Variants in RASEF observed in about 807,000 individuals in gnomAD.
RASEF encodes the protein ras and EF-hand domain-containing protein.
Under a neutral mutation model 90.1 loss-of-function variants are expected in RASEF, and 68 were observed. The ratio of observed to expected loss-of-function variants is 0.75; its 90% confidence interval spans 0.62 to 0.92. The LOEUF (loss-of-function observed/expected upper bound fraction) is 0.92. RASEF is among the 40% of genes least tolerant of loss of function. RASEF has a pLI of 0.00. For missense variants in RASEF, 949 were observed against 937.2 expected, an observed-to-expected ratio of 1.01 and a Z score of -0.16; for synonymous variants, 331 against 345.2, an observed-to-expected ratio of 0.96 and a Z score of 0.46.
At chr9:83,171,538 T>C in the RASEF span, among the ~76,000 whole-genome samples, 1 of 151,868 alleles carries the variant, frequency 6.6e-6, no homozygotes, top group East Asian at 1.9e-4. Context: ...AGTAGAATTC[T>C]AGCAGTGAAG....
At chr9:83,089,237 TAG>T in the RASEF span, among the ~76,000 whole-genome samples, 1 of 152,090 alleles carries the variant, frequency 6.6e-6, no homozygotes, top group Non-Finnish European at 1.5e-5. Context: ...TACATCTTTA[TAG>T]ATTTTGTTCC....
the RASEF span, among the ~76,000 whole-genome samples, chr9:83,215,549 G>A: frequency 6.6e-6 from 1 of 152,138 alleles, no homozygotes; most frequent in Non-Finnish European, 1.5e-5. Context: ...TCCTGCTAAG[G>A]GGATCAGGGA....
At chr9:83,000,022 CACACACACACACACAT>C (rs1184419880) in intron 12 of RASEF, 131 bp downstream of exon 12, 13 of 460,494 alleles carry the variant, frequency 2.8e-5, no homozygotes, top group Middle Eastern at 5.0e-4. Context: ...CACACACACA[CACACACACACACACAT>C]TTATATATGT....
chr9:82,991,311 C>T (rs1828809902), intron 15 of RASEF, among the ~76,000 whole-genome samples: 1 of 152,154 alleles, frequency 6.6e-6, no homozygotes, highest in Admixed American at 6.5e-5. Context: ...TCAGTCATTC[C>T]TAACCCTGAA....
At chr9:83,044,056 T>C (rs1181931747) in intron 1 of RASEF, among the ~76,000 whole-genome samples, 1 of 152,194 alleles carries the variant, frequency 6.6e-6, no homozygotes, top group Non-Finnish European at 1.5e-5. Flanking sequence ...ATTACATCCC[T>C]GTTAGTAACT....
intron 1 of RASEF, among the ~76,000 whole-genome samples, chr9:83,059,377 A>G (rs1429755294): frequency 6.6e-6 from 1 of 152,002 alleles, no homozygotes; most frequent in African/African-American, 2.4e-5. Context: ...AAAAAAAAAA[A>G]AGTGAGAGAA....
chr9:83,075,960 G>C, the RASEF span, among the ~76,000 whole-genome samples: 2 of 152,018 alleles, frequency 1.3e-5, no homozygotes, highest in African/African-American at 4.8e-5. Context: ...ACAAGGTCAG[G>C]AGATTGAGAC....
At chr9:83,178,028 C>T in the RASEF span, among the ~76,000 whole-genome samples, 9 of 152,078 alleles carry the variant, frequency 5.9e-5, 1 homozygote, top group South Asian at 6.2e-4. Context: ...TACTGTTAGG[C>T]ACCTATACTG....
intron 16 of RASEF, among the ~76,000 whole-genome samples, chr9:82,986,225 TA>T (rs1484904532): frequency 1.3e-5 from 2 of 152,166 alleles, no homozygotes; most frequent in Non-Finnish European, 2.9e-5. Flanking sequence ...GCAAGCAGAT[TA>T]AGTATTCTAA....
chr9:83,069,664 T>G, the RASEF span, among the ~76,000 whole-genome samples: 1 of 152,194 alleles, frequency 6.6e-6, no homozygotes, highest in Non-Finnish European at 1.5e-5. Context: ...TACGTTTTAT[T>G]TTCTCTTGAG....
Position 82,990,473 on chromosome 9 carries a change from A to G in RASEF, c.2041-6T>C. On this transcript the variant is annotated splice_polypyrimidine_tract_variant and splice_region_variant and intron_variant, in intron 15 of 16. Coordinates refer to ENST00000376447, the MANE Select transcript of RASEF (RefSeq NM_152573.4). ...CAGAATAATGCCCCATACGTCTGTAAAAAAGAAATACACACAATTAAATGA... is the reference window on the plus strand; with the variant it reads ...CAGAATAATGCCCCATACGTCTGTAGAAAAGAAATACACACAATTAAATGA... 1.2e-6 allele frequency: 2 copies of G among 1,603,844 alleles called. No individual in the cohort carries two copies. The highest frequency in any genetic ancestry group is 1.7e-6 in the Non-Finnish European group (2 of 1,171,600).
chr9:83,160,467 G>T, the RASEF span, among the ~76,000 whole-genome samples: 3 of 152,112 alleles, frequency 2.0e-5, no homozygotes. Flanking sequence ...GATGATTTAG[G>T]GTTGGTGGAA....
the RASEF span, among the ~76,000 whole-genome samples, chr9:83,171,330 G>C: frequency 1.3e-5 from 2 of 151,632 alleles, no homozygotes; most frequent in African/African-American, 4.8e-5. Context: ...TCAATTTGCT[G>C]GTATTTTATT....
chr9:83,133,580 CTTT>C, the RASEF span, among the ~76,000 whole-genome samples: 7 of 152,124 alleles, frequency 4.6e-5, no homozygotes, highest in Admixed American at 4.6e-4. Context: ...TTTCTAGCCC[CTTT>C]ACCTAAAGTC....
At chr9:83,083,577 A>C in the RASEF span, among the ~76,000 whole-genome samples, 1 of 152,178 alleles carries the variant, frequency 6.6e-6, no homozygotes, top group Non-Finnish European at 1.5e-5. Context: ...AAGAGGCAAA[A>C]AACCCACATA....
intron 1 of RASEF, among the ~76,000 whole-genome samples, chr9:83,059,999 C>G (rs920659988): frequency 2.0e-5 from 3 of 152,162 alleles, no homozygotes; most frequent in African/African-American, 7.2e-5. Context: ...CCCAAAATTG[C>G]TTAATATTTT....
chr9:83,101,256 A>G, the RASEF span, among the ~76,000 whole-genome samples: 1 of 152,204 alleles, frequency 6.6e-6, no homozygotes, highest in African/African-American at 2.4e-5. Flanking sequence ...CATTAAGCAC[A>G]GTTACCTCTT....
At chr9:82,997,711 A>AT (rs1043886593) in intron 13 of RASEF, among the ~76,000 whole-genome samples, 3 of 152,200 alleles carry the variant, frequency 2.0e-5, no homozygotes, top group South Asian at 2.1e-4. Flanking sequence ...AACCACAAAT[A>AT]TTTTTTATAT....
chr9:83,197,846 C>T, the RASEF span, among the ~76,000 whole-genome samples: 1 of 152,186 alleles, frequency 6.6e-6, no homozygotes, highest in African/African-American at 2.4e-5. Flanking sequence ...GCATAAGCAC[C>T]GGGATAAATC....
Sources: allele counts gnomAD v4.1 joint callset (sites outside exome capture counted in the v4.1 genomes callset), GRCh38; gene constraint gnomAD v4.1.1; transcripts MANE v1.5; gene names NCBI Gene and HGNC (gene_info 2026-07-23, HGNC 2026-07-21).